The following CNTNAP2 variants were observed in gnomAD, a reference collection of about 807,000 sequenced individuals.
CNTNAP2 encodes the protein contactin-associated protein-like 2.
In CNTNAP2, 98 loss-of-function variants were observed where a neutral mutation model predicts 155.2. That is an observed-to-expected ratio of 0.63 (90% CI 0.54 to 0.75). The LOEUF is 0.75. CNTNAP2 is among the 30% of genes least tolerant of loss of function. The pLI, the probability that CNTNAP2 is intolerant of heterozygous loss-of-function variation, is 0.00. For missense variants in CNTNAP2, 1,727 were observed against 1,688.1 expected (o/e 1.02, Z -0.40); for synonymous variants, 651 against 631.2 (o/e 1.03, Z -0.47).
At position 148,365,984 on chromosome 7, in the gene CNTNAP2, ACATGTGTGTATGCATGTATG is replaced by A. The variant is rs1798753799; in HGVS notation, c.3476-17635_3476-17616del. Reference sequence around the variant, plus strand: ...TGTATACATGTGTGTATGCATGTATACATGTGTGTATGCATGTATGCATGTGTGTATGCATGTATGCATGT... The same window carrying A: ...TGTATACATGTGTGTATGCATGTATACATGTGTGTATGCATGTATGCATGT... On this transcript the variant is annotated intron_variant, in intron 21 of 23. Transcript: ENST00000361727. Among the ~76,000 whole-genome samples the A allele has an allele frequency of 1.0e-3, 2 of 1,994 alleles. 1 individual carries two copies. Among genetic ancestry groups the A allele is most frequent in the African/African-American group, 1.2e-3 (2 of 1,640 alleles). 1.3% of individuals were successfully genotyped at this position (1,994 alleles called of 152,430 possible).
At chr7:146,940,817 G>A (rs187895579) in intron 3 of CNTNAP2, among the ~76,000 whole-genome samples, 339 of 141,378 alleles carry the variant, frequency 2.4e-3, no homozygotes, top group Non-Finnish European at 2.8e-3. Context: ...ATGTGTGTGT[G>A]TGTATATACA....
intron 9 of CNTNAP2, among the ~76,000 whole-genome samples, chr7:147,351,552 T>C (rs1184974383): frequency 1.3e-5 from 2 of 151,846 alleles, no homozygotes; most frequent in African/African-American, 4.8e-5. Flanking sequence ...AAAACAGTAG[T>C]ATTTGTATTT....
At chr7:146,987,503 G>T (rs1045731152) in intron 3 of CNTNAP2, among the ~76,000 whole-genome samples, 2 of 152,020 alleles carry the variant, frequency 1.3e-5, no homozygotes, top group Non-Finnish European at 2.9e-5. Context: ...TGATAATCAT[G>T]TTAATAAAGA....
chr7:147,558,738 TTCCTTTCTTCCTTC>T (rs1800000762), intron 11 of CNTNAP2, among the ~76,000 whole-genome samples: 4 of 107,816 alleles, frequency 3.7e-5, no homozygotes, highest in African/African-American at 1.4e-4. Flanking sequence ...CCTTCCTTCC[TTCCTTTCTTCCTTC>T]CTTTCTTTGA....
chr7:146,917,066 C>T (rs1239161071), intron 3 of CNTNAP2, among the ~76,000 whole-genome samples: 1 of 152,128 alleles, frequency 6.6e-6, no homozygotes, highest in Non-Finnish European at 1.5e-5. Flanking sequence ...TTCTGGATTT[C>T]ATTGTTGACC....
chr7:147,863,294 G>T (rs1349078754), intron 13 of CNTNAP2, among the ~76,000 whole-genome samples: 1 of 152,164 alleles, frequency 6.6e-6, no homozygotes, highest in Non-Finnish European at 1.5e-5. Context: ...ATTCCATGGG[G>T]TATATATGCC....
intron 8 of CNTNAP2, among the ~76,000 whole-genome samples, chr7:147,203,559 G>A (rs895938108): frequency 6.6e-6 from 1 of 152,084 alleles, no homozygotes; most frequent in South Asian, 2.1e-4. Flanking sequence ...ATTGTCTAAT[G>A]ACAGAAACCA....
intron 3 of CNTNAP2, among the ~76,000 whole-genome samples, chr7:147,018,840 C>T (rs557524553): frequency 6.6e-6 from 1 of 152,090 alleles, no homozygotes; most frequent in African/African-American, 2.4e-5. Context: ...CCTTGACCAA[C>T]AGGCATCTCC....
intron 8 of CNTNAP2, among the ~76,000 whole-genome samples, chr7:147,287,986 C>T (rs1474844048): frequency 6.6e-6 from 1 of 152,046 alleles, no homozygotes; most frequent in Non-Finnish European, 1.5e-5. Flanking sequence ...CTTATCAGGC[C>T]TTTACCTATA....
chr7:146,422,496 T>C (rs1200751000), intron 1 of CNTNAP2, among the ~76,000 whole-genome samples: 3 of 152,000 alleles, frequency 2.0e-5, no homozygotes, highest in African/African-American at 7.2e-5. Context: ...AAGACCACTT[T>C]TTTTTTCCCA....
intron 10 of CNTNAP2, among the ~76,000 whole-genome samples, chr7:147,422,494 A>T (rs975560636): frequency 6.6e-6 from 1 of 152,064 alleles, no homozygotes; most frequent in African/African-American, 2.4e-5. Flanking sequence ...ATTATCCTAA[A>T]TTTATAATCA....
chr7:148,096,817 C>T (rs1456120722), intron 15 of CNTNAP2, among the ~76,000 whole-genome samples: 1 of 152,154 alleles, frequency 6.6e-6, no homozygotes, highest in Non-Finnish European at 1.5e-5. Context: ...CTGTCCCGAG[C>T]AAAAGAGCTT....
intron 13 of CNTNAP2, among the ~76,000 whole-genome samples, chr7:147,889,285 T>A (rs2116728541): frequency 6.6e-6 from 1 of 152,100 alleles, no homozygotes; most frequent in South Asian, 2.1e-4. Flanking sequence ...TATTTGGAAA[T>A]AAGTCCAAGT....
At chr7:148,345,188 G>A (rs2116587538) in intron 21 of CNTNAP2, among the ~76,000 whole-genome samples, 1 of 152,272 alleles carries the variant, frequency 6.6e-6, no homozygotes, top group East Asian at 1.9e-4. Context: ...GGTTCACATG[G>A]AGGAGACGGG....
chr7:147,948,033 A>G (rs112411841), intron 14 of CNTNAP2, among the ~76,000 whole-genome samples: 2,181 of 152,224 alleles, frequency 0.014, 57 homozygotes, highest in African/African-American at 0.049. Context: ...TTACCTCACA[A>G]TCTAGAAAGA....
chr7:148,053,048 A>G (rs927182788), intron 15 of CNTNAP2, among the ~76,000 whole-genome samples: 3 of 152,198 alleles, frequency 2.0e-5, no homozygotes, highest in Non-Finnish European at 4.4e-5. Flanking sequence ...CTCCGTCTCA[A>G]AAAAACAAGA....
At chr7:147,157,567 GC>G (rs1168128482) in intron 8 of CNTNAP2, among the ~76,000 whole-genome samples, 1 of 152,020 alleles carries the variant, frequency 6.6e-6, no homozygotes, top group East Asian at 1.9e-4. Flanking sequence ...ATTGAACTCT[GC>G]TCGTTTCCTT....
At chr7:147,579,524 C>T (rs989241) in intron 12 of CNTNAP2, among the ~76,000 whole-genome samples, 104,874 of 152,014 alleles carry the variant, frequency 0.69, 36,747 homozygotes, top group African/African-American at 0.81. Flanking sequence ...GAAAAGTTTA[C>T]ATTATTAATA....
rs192580161 is a variant in CNTNAP2 at position 148,376,976 on chromosome 7, T to A, written c.3476-6673T>A. On this transcript the variant is annotated intron_variant, in intron 21 of 23. Coordinates refer to ENST00000361727, the MANE Select transcript of CNTNAP2 (RefSeq NM_014141.6). ...GGCTTATCGGATTTTATGTTGCTTT[T>A]TTTAGATGAATGCTCTTGGCTTTTT... Among the ~76,000 whole-genome samples, 361 of 68,278 alleles carry A rather than the reference T, an allele frequency of 5.3e-3. 152 individuals carry two copies. The Middle Eastern group carries it at 0.079, about 15-fold the overall frequency. The allele number at this position is 68,278 out of a possible 152,430, so 44.8% of individuals were successfully genotyped here.
Sources: gnomAD v4.1 joint callset for allele counts (sites outside exome capture counted in the v4.1 genomes callset) on GRCh38, gnomAD v4.1.1 for gene constraint, MANE v1.5 for transcripts, NCBI Gene and HGNC (gene_info 2026-07-23, HGNC 2026-07-21) for gene names.